The following TSBP1 variants were observed in gnomAD, a reference collection of about 807,000 sequenced individuals.
TSBP1 encodes the protein testis-expressed basic protein 1.
TSBP1 carries 56 observed loss-of-function variants against 68.8 expected under a neutral mutation model. The observed-to-expected ratio is 0.81, with a 90% CI of 0.66 to 1.02. TSBP1 has a LOEUF of 1.02. TSBP1 is among the 50% of genes least tolerant of loss of function. The probability of loss-of-function intolerance (pLI) is 0.00; values close to 1 mark genes in which losing one functional copy is unlikely to be tolerated. For missense variants in TSBP1, 502 were observed against 641.2 expected, an observed-to-expected ratio of 0.78 and a Z score of 2.34; for synonymous variants, 171 against 208.7, an observed-to-expected ratio of 0.82 and a Z score of 1.56.
intron 20 of TSBP1, among the ~76,000 whole-genome samples, chr6:32,301,934 G>T: frequency 6.9e-6 from 1 of 144,234 alleles, no homozygotes; most frequent in African/African-American, 2.6e-5. Flanking sequence ...AGGTAAGAAT[G>T]GATTTTACAT....
chr6:32,295,765 A>G (rs535140557), intron 22 of TSBP1, among the ~76,000 whole-genome samples: 1 of 152,318 alleles, frequency 6.6e-6, no homozygotes, highest in Admixed American at 6.5e-5. Flanking sequence ...AAAACTCTCT[A>G]ATTCAATCAA....
chr6:32,313,250 T>C (rs1168001464), intron 19 of TSBP1, among the ~76,000 whole-genome samples: 3 of 152,006 alleles, frequency 2.0e-5, no homozygotes, highest in Non-Finnish European at 4.4e-5. Context: ...CATGAATTTA[T>C]CTGCCTGACA....
chr6:32,294,054 G>A lies in TSBP1; in HGVS notation c.638-19C>T. On this transcript the variant is annotated intron_variant, in intron 22 of 22. Coordinates refer to ENST00000612031, the Ensembl canonical transcript of TSBP1. The stretch of plus-strand genomic sequence containing the variant: ...AATATAACTGAGCATACAACAAAAG[G>A]GCGTGATTTAGATATCAAGTATTTT... The A allele has an allele frequency of 6.3e-7, 1 of 1,599,930 alleles. No individual in the cohort carries two copies. Among genetic ancestry groups the A allele is most frequent in the Non-Finnish European group, 8.5e-7 (1 of 1,177,748 alleles).
intron 8 of TSBP1, among the ~76,000 whole-genome samples, chr6:32,351,486 A>G (rs1454218876): frequency 2.6e-5 from 4 of 152,202 alleles, no homozygotes; most frequent in Non-Finnish European, 5.9e-5. Flanking sequence ...ATCCGGGGCT[A>G]ACTTAATCAG....
At position 32,365,428 on chromosome 6, in the gene TSBP1, G is replaced by A. The variant is rs1386508485; in HGVS notation, c.217+739C>T. The A allele has an allele frequency of 6.6e-6, 3 of 456,950 alleles. No homozygotes were observed. The highest frequency in any genetic ancestry group is 2.3e-5 in the Admixed American group (1 of 42,564). 28.3% of individuals were successfully genotyped at this position (456,950 alleles called of 1,614,324 possible). A position where few individuals can be genotyped will look rare whatever the true frequency, so the allele number is the denominator to read the frequency against. On this transcript the variant is annotated intron_variant, in intron 6 of 22. Coordinates refer to ENST00000612031, the Ensembl canonical transcript of TSBP1. This position sits in a 1 kb window ranked among gnomAD's most constrained non-coding sequence, Gnocchi z 4.3. Reference sequence around the variant, plus strand: ...AAATGTGTGAAAGGCATGCCTGTGGGTCAGTAGTGCAAGGAGCATAGGTCA... The same window carrying A: ...AAATGTGTGAAAGGCATGCCTGTGGATCAGTAGTGCAAGGAGCATAGGTCA...
At chr6:32,323,238 G>T in intron 17 of TSBP1, 101 bp from the exon 19 acceptor site, 1 of 763,042 alleles carries the variant, frequency 1.3e-6, no homozygotes, top group East Asian at 2.5e-5. Context: ...ACACCTTTCT[G>T]GGTCTAAATT....
At chr6:32,348,443 G>A (rs6928126) in intron 9 of TSBP1, among the ~76,000 whole-genome samples, 5,933 of 129,662 alleles carry the variant, frequency 0.046, 331 homozygotes, top group African/African-American at 0.13. Context: ...TTATGGCACA[G>A]TATTGGATTA....
At chr6:32,370,384 C>A (rs1178996985) in intron 1 of TSBP1, among the ~76,000 whole-genome samples, 1 of 133,972 alleles carries the variant, frequency 7.5e-6, no homozygotes, top group Non-Finnish European at 1.6e-5. Flanking sequence ...TTAACTCATA[C>A]CTTTAAAGTT....
Position 32,314,198 on chromosome 6 carries a change from T to C in TSBP1, c.580+1574A>G, listed in dbSNP as rs1562086488. 6.6e-6 allele frequency among the ~76,000 whole-genome samples: 1 copy of C among 152,312 alleles called. No individual in the cohort carries two copies. The highest frequency in any genetic ancestry group is 1.9e-4 in the East Asian group (1 of 5,188). ...TGACTGTGCATTTTTCATTTAAAAATATTTCCAGCCAAGACTTAGCCAGCC... is the reference window on the plus strand; with the variant it reads ...TGACTGTGCATTTTTCATTTAAAAACATTTCCAGCCAAGACTTAGCCAGCC... On this transcript the variant is annotated intron_variant, in intron 19 of 22. Transcript: ENST00000612031. The surrounding 1 kb of genome is among the most constrained non-coding windows in gnomAD (Gnocchi z 4.2).
chr6:32,332,800 G>C (rs979405397), intron 14 of TSBP1, among the ~76,000 whole-genome samples: 3 of 151,958 alleles, frequency 2.0e-5, no homozygotes, highest in Non-Finnish European at 4.4e-5. Context: ...TGTAGAGATG[G>C]GGTCTTGCTC....
At chr6:32,303,750 T>A (rs904351929) in intron 19 of TSBP1, among the ~76,000 whole-genome samples, 2 of 152,188 alleles carry the variant, frequency 1.3e-5, no homozygotes, top group African/African-American at 4.8e-5. Context: ...TCTGCAGCAC[T>A]AGTGGTCCAA....
In TSBP1 at chr6:32,365,344, A is replaced by G; in HGVS notation, c.217+823T>C. ...CCCACAAAGTCAAACTGACTGTGAG[A>G]TGTTTCCTTTTGTTGTCCATGGTGG... On this transcript the variant is annotated intron_variant, in intron 6 of 22. Transcript: ENST00000612031. This position sits in a 1 kb window ranked among gnomAD's most constrained non-coding sequence, Gnocchi z 4.3. 1 of 457,194 alleles carries G rather than the reference A, an allele frequency of 2.2e-6. No individual in the cohort carries two copies. The highest frequency in any genetic ancestry group is 1.5e-5 in the South Asian group (1 of 64,562). 28.3% of individuals were successfully genotyped at this position (457,194 alleles called of 1,614,324 possible). A position where few individuals can be genotyped will look rare whatever the true frequency, so the allele number is the denominator to read the frequency against.
rs1486815117 is a variant in TSBP1 at position 32,316,533 on chromosome 6, T to C, written c.560-741A>G. 1 of 762,702 alleles carries C rather than the reference T, an allele frequency of 1.3e-6. No homozygotes were observed. The highest frequency in any genetic ancestry group is 1.7e-5 in the South Asian group (1 of 57,152). 47.2% of individuals were successfully genotyped at this position (762,702 alleles called of 1,614,324 possible). A position where few individuals can be genotyped will look rare whatever the true frequency, so the allele number is the denominator to read the frequency against. On this transcript the variant is annotated intron_variant, in intron 18 of 22. Coordinates refer to ENST00000612031, the Ensembl canonical transcript of TSBP1. This position sits in a 1 kb window ranked among gnomAD's most constrained non-coding sequence, Gnocchi z 4.5. The stretch of plus-strand genomic sequence containing the variant: ...CACAGCTCTGGATGACAATGGCTAA[T>C]TCTCTGTTAAAAGCTCCAATTCTTT...
rs186762166 is a variant in TSBP1 at position 32,336,479 on chromosome 6, C to G, written c.430+136G>C. The G allele has an allele frequency of 2.8e-6, 2 of 718,900 alleles. No homozygotes were observed. The highest frequency in any genetic ancestry group is 4.7e-6 in the Non-Finnish European group (2 of 423,110). 44.5% of individuals were successfully genotyped at this position (718,900 alleles called of 1,614,324 possible). A position where few individuals can be genotyped will look rare whatever the true frequency, so the allele number is the denominator to read the frequency against. ...CAGCATCACACAATATACCCATTAGCAAACCTGCATATGCACCACCGGAAT... is the reference window on the plus strand; with the variant it reads ...CAGCATCACACAATATACCCATTAGGAAACCTGCATATGCACCACCGGAAT... On this transcript the variant is annotated intron_variant, in intron 12 of 22. Coordinates refer to ENST00000612031, the Ensembl canonical transcript of TSBP1. This position sits in a 1 kb window ranked among gnomAD's most constrained non-coding sequence, Gnocchi z 5.2.
chr6:32,332,065 A>T lies in TSBP1; in HGVS notation c.473-11T>A. 6.3e-7 allele frequency: 1 copy of T among 1,591,328 alleles called. No individual in the cohort carries two copies. The highest frequency in any genetic ancestry group is 8.6e-7 in the Non-Finnish European group (1 of 1,160,262). ...GTCCTGGAGTTTGCACTAAAAAGAA[A>T]TTCAAATTGGCATATTAGTACAGTT... On this transcript the variant is annotated splice_polypyrimidine_tract_variant and intron_variant, in intron 14 of 22. Transcript: ENST00000612031.
intron 16 of TSBP1, chr6:32,326,106 CA>C: frequency 7.0e-7 from 1 of 1,418,860 alleles, no homozygotes; most frequent in Non-Finnish European, 9.8e-7. Context: ...AATACTTTGC[CA>C]AACCATGAAA....
chr6:32,328,026 C>G (rs1392194371), intron 16 of TSBP1, among the ~76,000 whole-genome samples: 3 of 151,668 alleles, frequency 2.0e-5, no homozygotes, highest in Admixed American at 6.6e-5. Flanking sequence ...GGATGGTCTC[C>G]ATCTCCTGAC....
intron 22 of TSBP1, among the ~76,000 whole-genome samples, chr6:32,295,349 C>CA (rs3038432): frequency 0.014 from 1,250 of 90,816 alleles, 29 homozygotes; most frequent in Middle Eastern, 0.05. Flanking sequence ...CACACACACA[C>CA]AAAAAAAAAA....
intron 16 of TSBP1, among the ~76,000 whole-genome samples, chr6:32,328,475 G>A (rs758552642): frequency 1.1e-4 from 16 of 151,308 alleles, no homozygotes; most frequent in Non-Finnish European, 2.2e-4. Flanking sequence ...GAGTGCAGTG[G>A]TGAGATCTCG....
Sources: gnomAD v4.1 joint callset for allele counts (sites outside exome capture counted in the v4.1 genomes callset) on GRCh38, gnomAD v4.1.1 for gene constraint, Gnocchi (gnomAD v3.1) non-coding constraint, MANE v1.5 for transcripts, NCBI Gene and HGNC (gene_info 2026-07-23, HGNC 2026-07-21) for gene names.